Variants in B4GALT5 observed in about 807,000 individuals in gnomAD.
B4GALT5 encodes the protein beta-1,4-galactosyltransferase 5.
In B4GALT5, 11 loss-of-function variants were observed where a neutral mutation model predicts 45.0. That is an observed-to-expected ratio of 0.24 (90% CI 0.15 to 0.40). The LOEUF (loss-of-function observed/expected upper bound fraction) is 0.40. Ranked by LOEUF, B4GALT5 falls within the 10% of genes least tolerant of loss-of-function variation. The pLI is 1.00. For synonymous variants in B4GALT5, 185 were observed against 182.9 expected (o/e 1.01, Z -0.09); for missense variants, 337 against 500.2 (o/e 0.67, Z 3.11).
At chr20:49,644,009 A>T (rs1165078881) in intron 3 of B4GALT5, among the ~76,000 whole-genome samples, 3 of 134,972 alleles carry the variant, frequency 2.2e-5, no homozygotes, top group Non-Finnish European at 4.6e-5. Context: ...GCTCACTGCA[A>T]CCTCTGCCTC....
intron 1 of B4GALT5, among the ~76,000 whole-genome samples, chr20:49,662,022 C>CG (rs1350550520): frequency 6.6e-6 from 1 of 152,078 alleles, no homozygotes; most frequent in African/African-American, 2.4e-5. Context: ...GGACAGCTTC[C>CG]GGGGGCGAAG....
chr20:49,684,812 T>G (rs969864200), intron 1 of B4GALT5, among the ~76,000 whole-genome samples: 2 of 152,246 alleles, frequency 1.3e-5, no homozygotes, highest in African/African-American at 4.8e-5. Flanking sequence ...TTTGAGTCCC[T>G]GCTCGGCTTA....
At chr20:49,656,309 T>C (rs2085642783) in intron 2 of B4GALT5, among the ~76,000 whole-genome samples, 1 of 152,176 alleles carries the variant, frequency 6.6e-6, no homozygotes, top group African/African-American at 2.4e-5. Flanking sequence ...TGCAGAACCA[T>C]AAGCCAAATA....
chr20:49,696,720 G>C (rs557190301), intron 1 of B4GALT5, among the ~76,000 whole-genome samples: 5 of 152,180 alleles, frequency 3.3e-5, no homozygotes, highest in Non-Finnish European at 7.4e-5. Context: ...GTGATGAAAG[G>C]GTTATGAATA....
intron 1 of B4GALT5, among the ~76,000 whole-genome samples, chr20:49,674,462 T>A (rs1180031658): frequency 1.3e-5 from 2 of 151,712 alleles, no homozygotes; most frequent in East Asian, 1.9e-4. Flanking sequence ...GCATTTAGGG[T>A]CGGGTGTGGT....
rs576999331 is a variant in B4GALT5, at chr20:49,696,912, A to G, written c.115+16664T>C. Among the ~76,000 whole-genome samples, 3 of 152,366 alleles carry G rather than the reference A, an allele frequency of 2.0e-5. No homozygotes were observed. The South Asian group carries it at 6.2e-4, about 32-fold the overall frequency. Reference sequence around the variant, plus strand: ...AGTCTACTCAAAATTCACAATGAAGAGTCGGTTTTTCACACATATAATACA... The same window carrying G: ...AGTCTACTCAAAATTCACAATGAAGGGTCGGTTTTTCACACATATAATACA... On this transcript the variant is annotated intron_variant, in intron 1 of 8. Transcript: ENST00000371711.
intron 1 of B4GALT5, among the ~76,000 whole-genome samples, chr20:49,684,260 C>T (rs1044018381): frequency 2.0e-5 from 3 of 151,654 alleles, no homozygotes; most frequent in Non-Finnish European, 4.4e-5. Context: ...TCAGAATTTA[C>T]TTTAATTTAA....
rs567146658 is a variant in B4GALT5 at position 49,645,301 on chromosome 20, C to T, written c.365-1651G>A. 2.4e-4 allele frequency among the ~76,000 whole-genome samples: 37 copies of T among 152,286 alleles called. 1 individual carries two copies. The highest frequency in any genetic ancestry group is 6.7e-4 in the African/African-American group (28 of 41,560). ...TGTGCTTTGACATTTTCACCAGTGA[C>T]GGATGGCATATACGGTGGTTGCATA... On this transcript the variant is annotated intron_variant, in intron 3 of 8. Coordinates refer to ENST00000371711, the MANE Select transcript of B4GALT5 (RefSeq NM_004776.4).
chr20:49,670,606 T>C (rs2085711776), intron 1 of B4GALT5, among the ~76,000 whole-genome samples: 1 of 152,212 alleles, frequency 6.6e-6, no homozygotes, highest in South Asian at 2.1e-4. Context: ...GTTGAATTTC[T>C]TCAACACTGA....
At chr20:49,710,212 C>T (rs945427789) in intron 1 of B4GALT5, among the ~76,000 whole-genome samples, 7 of 152,136 alleles carry the variant, frequency 4.6e-5, no homozygotes, top group African/African-American at 1.4e-4. Context: ...AAATCAAAAG[C>T]AAGCACTGGA....
chr20:49,654,868 A>G (rs1008612327), intron 2 of B4GALT5, among the ~76,000 whole-genome samples: 2 of 152,140 alleles, frequency 1.3e-5, no homozygotes, highest in African/African-American at 4.8e-5. Context: ...GCACTTCGGG[A>G]GGCCAAGGCA....
chr20:49,696,343 G>A (rs1198439664), intron 1 of B4GALT5, among the ~76,000 whole-genome samples: 1 of 152,190 alleles, frequency 6.6e-6, no homozygotes, highest in Non-Finnish European at 1.5e-5. Context: ...AATGAGATTT[G>A]AAATTCATCT....
intron 1 of B4GALT5, among the ~76,000 whole-genome samples, chr20:49,683,239 T>C (rs978074547): frequency 1.3e-5 from 2 of 152,238 alleles, no homozygotes; most frequent in African/African-American, 2.4e-5. Flanking sequence ...TCCTTAGAAG[T>C]TGCAAACTAT....
At chr20:49,658,259 G>C (rs180953602) in intron 1 of B4GALT5, among the ~76,000 whole-genome samples, 108 of 152,316 alleles carry the variant, frequency 7.1e-4, no homozygotes, top group African/African-American at 2.4e-3. Context: ...GAAAGCAGGA[G>C]TAACACCTCA....
intron 1 of B4GALT5, among the ~76,000 whole-genome samples, chr20:49,690,747 C>A (rs1292425922): frequency 6.6e-6 from 1 of 152,134 alleles, no homozygotes; most frequent in African/African-American, 2.4e-5. Flanking sequence ...TCAAAGAAGG[C>A]ATACCGATTG....
At chr20:49,641,039 C>T (rs772875346) in intron 5 of B4GALT5, among the ~76,000 whole-genome samples, 20 of 152,084 alleles carry the variant, frequency 1.3e-4, no homozygotes, top group Non-Finnish European at 2.2e-4. Flanking sequence ...AGCTTGAACC[C>T]GGGAGGCGGA....
intron 1 of B4GALT5, among the ~76,000 whole-genome samples, chr20:49,705,293 C>A (rs1301573601): frequency 6.6e-6 from 1 of 152,066 alleles, no homozygotes; most frequent in Non-Finnish European, 1.5e-5. Context: ...AAAGGATTAG[C>A]CCACAGGACA....
At chr20:49,643,300 G>A (rs993110146) in intron 4 of B4GALT5, among the ~76,000 whole-genome samples, 1 of 152,158 alleles carries the variant, frequency 6.6e-6, no homozygotes, top group Non-Finnish European at 1.5e-5. Flanking sequence ...AATATTCCTG[G>A]TGGGAAGACC....
At chr20:49,697,648 A>C (rs932423133) in intron 1 of B4GALT5, among the ~76,000 whole-genome samples, 3 of 151,688 alleles carry the variant, frequency 2.0e-5, no homozygotes, top group African/African-American at 4.8e-5. Flanking sequence ...ACAACATGAA[A>C]CCCAACTATG....
Sources: gnomAD v4.1 joint callset for allele counts (sites outside exome capture counted in the v4.1 genomes callset) on GRCh38, gnomAD v4.1.1 for gene constraint, MANE v1.5 for transcripts, NCBI Gene and HGNC (gene_info 2026-07-23, HGNC 2026-07-21) for gene names.